Variants in GPR4 observed in about 807,000 individuals in gnomAD.
GPR4 encodes G-prodeshotein coupled receptor 4.
GPR4 carries 11 observed loss-of-function variants against 17.8 expected under a neutral mutation model. The ratio of observed to expected loss-of-function variants is 0.62; its 90% CI spans 0.39 to 1.02. The LOEUF is 1.02. Among genes scored for constraint, GPR4 ranks in the 50% least tolerant of loss-of-function variants. The pLI, the probability that GPR4 is intolerant of heterozygous loss-of-function variation, is 0.00. For missense variants in GPR4, 364 were observed against 495.4 expected, an observed-to-expected ratio of 0.73 and a Z score of 2.52; for synonymous variants, 219 against 222.8, an observed-to-expected ratio of 0.98 and a Z score of 0.15.
Position 45,595,659 on chromosome 19 carries a change from C to A in GPR4, c.-831-2962G>T, listed in dbSNP as rs533198137. On this transcript the variant is annotated intron_variant, in intron 1 of 1. Transcript: ENST00000323040. ...ACCCCGCAGAGAAGCAGAGCCAAGT[C>A]CAGAGTCACAGGCAGCTTCAGGAGC... Among the ~76,000 whole-genome samples the A allele has an allele frequency of 5.2e-4, 79 of 152,204 alleles. No homozygotes were observed. The Middle Eastern group carries it at 0.014, about 26-fold the overall frequency.
chr19:45,594,058 AAAAAAAT>A (rs1224705384), intron 1 of GPR4, among the ~76,000 whole-genome samples: 18 of 57,980 alleles, frequency 3.1e-4, no homozygotes, highest in East Asian at 6.3e-4. Context: ...AAAAAAAAAA[AAAAAAAT>A]ATATATATAT....
intron 1 of GPR4, among the ~76,000 whole-genome samples, chr19:45,600,675 G>A (rs1416742401): frequency 3.3e-5 from 5 of 152,172 alleles, no homozygotes; most frequent in Non-Finnish European, 7.3e-5. Flanking sequence ...TCACTGTGGG[G>A]ACTTCTGCTT....
In GPR4 at chr19:45,591,955, C is replaced by T; in HGVS notation, c.-89G>A. 7.0e-7 allele frequency: 1 copy of T among 1,419,012 alleles called. No individual in the cohort carries two copies. The allele number at this position is 1,419,012 out of a possible 1,614,324, so 87.9% of individuals were successfully genotyped here. On this transcript the variant is annotated 5_prime_UTR_variant, in exon 2 of 2. Coordinates refer to ENST00000323040, the MANE Select transcript of GPR4 (RefSeq NM_005282.3). This position sits in a 1 kb window ranked among gnomAD's most constrained non-coding sequence, Gnocchi z 7.6. Reference sequence around the variant, plus strand: ...CGGGAGGCCATGGGGCCCCCTGAGCCCCTTCCTTGGAGGCTCAGGGGAACA... The same window carrying T: ...CGGGAGGCCATGGGGCCCCCTGAGCTCCTTCCTTGGAGGCTCAGGGGAACA...
rs868033662 is a variant in GPR4, at chr19:45,591,890, C to A, written c.-24G>T. ...ATGGTGGGCACTTCGGCTTCTGGGG[C>A]GCTTCCCCTGGCCCACGGGGGCTGT... On this transcript the variant is annotated 5_prime_UTR_variant, in exon 2 of 2. Transcript: ENST00000323040. This position sits in a 1 kb window ranked among gnomAD's most constrained non-coding sequence, Gnocchi z 7.6. The A allele has an allele frequency of 6.5e-6, 10 of 1,534,590 alleles. No homozygotes were observed. The highest frequency in any genetic ancestry group is 6.3e-5 in the South Asian group (5 of 79,262).
At position 45,591,754 on chromosome 19, in the gene GPR4, G is replaced by A; in HGVS notation, c.113C>T (p.Ala38Val). ...CACCTGGCGGTAGGCCGCCCACAGAGCCAGGCAGTTGGTGGGCAGCCCCAC... is the reference window on the plus strand; with the variant it reads ...CACCTGGCGGTAGGCCGCCCACAGAACCAGGCAGTTGGTGGGCAGCCCCAC... ...IGVGLPTNCL[A>V]LWAAYRQVQQ... Residue 38 changes from alanine (A) to valine (V), a missense_variant, in exon 2 of 2, where the codon GCT becomes GTT. Physicochemically the swap from Ala to Val is moderately conservative, Grantham distance 64. Around this residue, in one of 3 missense-constraint regions of GPR4, gnomAD observed 271 missense variants for 373.1 expected, o/e 0.73. Transcript: ENST00000323040. This position sits in a 1 kb window ranked among gnomAD's most constrained non-coding sequence, Gnocchi z 7.6. 1 of 1,613,816 alleles carries A rather than the reference G, an allele frequency of 6.2e-7. No individual in the cohort carries two copies. The highest frequency in any genetic ancestry group is 1.1e-5 in the South Asian group (1 of 91,060).
At chr19:45,593,055 A>G (rs1013095818) in intron 1 of GPR4, among the ~76,000 whole-genome samples, 1 of 151,944 alleles carries the variant, frequency 6.6e-6, no homozygotes, top group African/African-American at 2.4e-5. Flanking sequence ...AATATTAGCC[A>G]GGTGTGGTGG....
Position 45,591,546 on chromosome 19 carries a change from G to A in GPR4, c.321C>T (p.Phe107=). The A allele has an allele frequency of 6.2e-7, 1 of 1,614,032 alleles. No homozygotes were observed. The highest frequency in any genetic ancestry group is 8.5e-7 in the Non-Finnish European group (1 of 1,180,012). Residue 107 remains phenylalanine (F), a synonymous_variant, in exon 2 of 2, where the codon TTC becomes TTT. Coordinates refer to ENST00000323040, the MANE Select transcript of GPR4 (RefSeq NM_005282.3). This position sits in a 1 kb window ranked among gnomAD's most constrained non-coding sequence, Gnocchi z 7.6. ...AGCGGTCCACCGAGATGCAGCACAG[G>A]AAGGCGATGCTGATGTAGATATTGG... ...FYTNIYISIA[F]LCCISVDRYL...
Position 45,595,316 on chromosome 19 carries a change from TAAA to T in GPR4, c.-831-2622_-831-2620del, listed in dbSNP as rs59436828. On this transcript the variant is annotated intron_variant, in intron 1 of 1. Coordinates refer to ENST00000323040, the MANE Select transcript of GPR4 (RefSeq NM_005282.3). ...ATAAATAAATAAATAAATAAATAAA[TAAA>T]AAATAACTGGACAGAAAAGGGCCCT... Among the ~76,000 whole-genome samples the T allele has an allele frequency of 1.3e-4, 17 of 135,678 alleles. No individual in the cohort carries two copies. The East Asian group carries it at 2.1e-3, about 17-fold the overall frequency. 89.0% of individuals were successfully genotyped at this position (135,678 alleles called of 152,430 possible). A position where few individuals can be genotyped will look rare whatever the true frequency, so the allele number is the denominator to read the frequency against.
intron 1 of GPR4, among the ~76,000 whole-genome samples, chr19:45,601,272 G>A (rs1378450427): frequency 6.6e-6 from 1 of 152,218 alleles, no homozygotes; most frequent in East Asian, 1.9e-4. Context: ...GCCTAGTTTG[G>A]GAGGAGGGGT....
chr19:45,590,657 T>G lies in GPR4; in HGVS notation c.*121A>C. On this transcript the variant is annotated 3_prime_UTR_variant, in exon 2 of 2. Transcript: ENST00000323040. ...ACACACCAACCTCACTCTTCCTAAG[T>G]TCTTGTATTCTTATGAATATTAACA... 7.9e-7 allele frequency: 1 copy of G among 1,260,648 alleles called. No individual in the cohort carries two copies. Among genetic ancestry groups the G allele is most frequent in the Non-Finnish European group, 1.1e-6 (1 of 921,374 alleles). 78.1% of individuals were successfully genotyped at this position (1,260,648 alleles called of 1,614,324 possible). A position where few individuals can be genotyped will look rare whatever the true frequency, so the allele number is the denominator to read the frequency against.
At position 45,591,600 on chromosome 19, in the gene GPR4, G is replaced by A. The variant is rs777248628; in HGVS notation, c.267C>T (p.Ser89=). The stretch of plus-strand genomic sequence containing the variant: ...AGAAGATGAACCCAAAGAGCTTGCA[G>A]GACCCGGGGCCGTGGATCCAGTTGT... ...HHDNWIHGPG[S]CKLFGFIFYT... is the part of the protein sequence containing the mutation. The change falls in exon 2 of 2, where the codon TCC becomes TCT. Residue 89 remains serine, a synonymous_variant. Coordinates refer to ENST00000323040, the MANE Select transcript of GPR4 (RefSeq NM_005282.3). This position sits in a 1 kb window ranked among gnomAD's most constrained non-coding sequence, Gnocchi z 7.6. 1.2e-6 allele frequency: 2 copies of A among 1,613,992 alleles called. No homozygotes were observed. Among genetic ancestry groups the A allele is most frequent in the Non-Finnish European group, 8.5e-7 (1 of 1,180,030 alleles).
At chr19:45,597,148 A>C (rs1970066226) in intron 1 of GPR4, among the ~76,000 whole-genome samples, 1 of 151,744 alleles carries the variant, frequency 6.6e-6, no homozygotes, top group Admixed American at 6.6e-5. Flanking sequence ...GGCTCACTGA[A>C]ACCTCCGCCA....
chr19:45,591,502 G>A lies in GPR4; in HGVS notation c.365C>T (p.Pro122Leu). The A allele has an allele frequency of 6.2e-7, 1 of 1,612,724 alleles. No homozygotes were observed. Among genetic ancestry groups the A allele is most frequent in the Non-Finnish European group, 8.5e-7 (1 of 1,179,424 alleles). The change falls in exon 2 of 2, where the codon CCA becomes CTA. Residue 122 changes from proline to leucine, a missense_variant. Pro to Leu is a moderately conservative substitution (Grantham distance 98). Around this residue, in one of 3 missense-constraint regions of GPR4, gnomAD observed 271 missense variants for 373.1 expected, o/e 0.73. Transcript: ENST00000323040. This position sits in a 1 kb window ranked among gnomAD's most constrained non-coding sequence, Gnocchi z 7.6. The part of the protein sequence containing the change: ...SVDRYLAVAH[P>L]LRFARLRRVK... ...GCGGCGCAGGCGGGCGAAGCGGAGT[G>A]GGTGGGCCACAGCCAGGTAGCGGTC...
chr19:45,597,389 G>C (rs1161973138), intron 1 of GPR4, among the ~76,000 whole-genome samples: 1 of 152,062 alleles, frequency 6.6e-6, no homozygotes, highest in South Asian at 2.1e-4. Flanking sequence ...GAGTAGCTCC[G>C]TTCCCTCCTT....
rs753457588 is a variant in GPR4 at position 45,591,707 on chromosome 19, C to A, written c.160G>T (p.Val54Phe). 2.5e-6 allele frequency: 4 copies of A among 1,613,918 alleles called. No individual in the cohort carries two copies. The change falls in exon 2 of 2, where the codon GTC becomes TTC. Residue 54 changes from valine (V) to phenylalanine (F), a missense_variant. Val to Phe is a conservative substitution (Grantham distance 50). Coordinates refer to ENST00000323040, the MANE Select transcript of GPR4 (RefSeq NM_005282.3). This position sits in a 1 kb window ranked among gnomAD's most constrained non-coding sequence, Gnocchi z 7.6. ...RQVQQRNELG[V>F]YLMNLSIADL... ...GCGATGCTGAGGTTCATCAGGTAGA[C>A]GCCCAGCTCGTTGCGCTGTTGCACC... is the stretch of plus-strand genomic sequence containing the variant.
rs946266901 is a variant in GPR4, at chr19:45,591,930, C to T, written c.-64G>A. 3 of 1,508,468 alleles carry T rather than the reference C, an allele frequency of 2.0e-6. No homozygotes were observed. Among genetic ancestry groups the T allele is most frequent in the East Asian group, 2.3e-5 (1 of 43,322 alleles). 93.4% of individuals were successfully genotyped at this position (1,508,468 alleles called of 1,614,324 possible). ...ACGGGGGCTGTGGGGCCACAGGGAG[C>T]GGGAGGCCATGGGGCCCCCTGAGCC... On this transcript the variant is annotated 5_prime_UTR_variant, in exon 2 of 2. Coordinates refer to ENST00000323040, the MANE Select transcript of GPR4 (RefSeq NM_005282.3). This position sits in a 1 kb window ranked among gnomAD's most constrained non-coding sequence, Gnocchi z 7.6.
At position 45,602,205 on chromosome 19, in the gene GPR4, C is replaced by T. The variant is rs898345288; in HGVS notation, c.-942G>A. 2.0e-5 allele frequency: 3 copies of T among 152,268 alleles called. No homozygotes were observed. Among genetic ancestry groups the T allele is most frequent in the African/African-American group, 7.2e-5 (3 of 41,454 alleles). The allele number at this position is 152,268 out of a possible 1,614,324, so 9.4% of individuals were successfully genotyped here. On this transcript the variant is annotated 5_prime_UTR_variant, in exon 1 of 2. Coordinates refer to ENST00000323040, the MANE Select transcript of GPR4 (RefSeq NM_005282.3). ...CAGCGGATGCCCCCGCGGGGCAGAA[C>T]AGCGGCTACTCCTCCCGGCCCCCGG...
chr19:45,596,532 C>CTTTCT (rs1970060486), intron 1 of GPR4, among the ~76,000 whole-genome samples: 1 of 151,610 alleles, frequency 6.6e-6, no homozygotes, highest in Non-Finnish European at 1.5e-5. Flanking sequence ...AAAATCAGCT[C>CTTTCT]TTTCTTTTCT....
chr19:45,597,430 C>T (rs1479635842), intron 1 of GPR4, among the ~76,000 whole-genome samples: 2 of 152,146 alleles, frequency 1.3e-5, no homozygotes, highest in Non-Finnish European at 2.9e-5. Flanking sequence ...TCCATTCAGT[C>T]CCCGACTCTC....
Sources: gnomAD v4.1 joint callset for allele counts (sites outside exome capture counted in the v4.1 genomes callset) on GRCh38, gnomAD v4.1.1 for gene constraint, gnomAD v4.1.1 regional missense constraint, Gnocchi (gnomAD v3.1) non-coding constraint, MANE v1.5 for transcripts, NCBI Gene and HGNC (gene_info 2026-07-23, HGNC 2026-07-21) for gene names.